Variants in BTD observed in about 807,000 individuals in gnomAD.
BTD encodes the protein biotinidase.
BTD carries 13 observed loss-of-function variants against 17.7 expected under a neutral mutation model. The observed-to-expected ratio is 0.74, with a 90% CI of 0.48 to 1.17. BTD has a LOEUF of 1.17. Ranked by LOEUF, BTD falls within the 50% of genes most tolerant of loss-of-function variation. The pLI, the probability that BTD is intolerant of heterozygous loss-of-function variation, is 0.00. For synonymous variants in BTD, 240 were observed against 245.2 expected (o/e 0.98, Z 0.20); for missense variants, 674 against 650.4 (o/e 1.04, Z -0.39).
intron 3 of BTD, among the ~76,000 whole-genome samples, chr3:15,661,882 C>T (rs773484504): frequency 3.3e-5 from 5 of 152,214 alleles, no homozygotes; most frequent in Non-Finnish European, 5.9e-5. Context: ...GTTGAAAATA[C>T]TGTCTTCACT....
At chr3:15,631,626 G>A (rs1398212598) in intron 1 of BTD, 7 of 752,238 alleles carry the variant, frequency 9.3e-6, no homozygotes, top group Admixed American at 5.0e-5. Context: ...GATCAGGACT[G>A]GTGTTGGGGG....
In BTD at chr3:15,665,043, TTTC is replaced by T. The variant is rs1216309295; in HGVS notation, c.399+22989_399+22991del. On this transcript the variant is annotated intron_variant, in intron 3 of 3. Coordinates refer to the BTD transcript ENST00000672141. ...AAATTAGTTTCAAATTAAGGAAATATTTCTTTTCTAATTAAGCTAGTAGACAGG... is the reference window on the plus strand; with the variant it reads ...AAATTAGTTTCAAATTAAGGAAATATTTTTCTAATTAAGCTAGTAGACAGG... 7.9e-5 allele frequency among the ~76,000 whole-genome samples: 12 copies of T among 152,328 alleles called. No homozygotes were observed. The South Asian group carries it at 8.3e-4, about 11-fold the overall frequency.
chr3:15,668,739 C>A (rs2066111143), intron 3 of BTD: 1 of 152,470 alleles, frequency 6.6e-6, no homozygotes, highest in South Asian at 2.1e-4. Flanking sequence ...TTCAAAAAAC[C>A]CACAAAATTA....
At chr3:15,643,997 T>A (rs1217842120) in intron 3 of BTD, among the ~76,000 whole-genome samples, 51 of 149,638 alleles carry the variant, frequency 3.4e-4, no homozygotes, top group African/African-American at 1.2e-3. Context: ...TTTATTTATT[T>A]ATTTATTTAT....
chr3:15,604,923 G>T (rs1376048498), intron 1 of BTD, among the ~76,000 whole-genome samples: 1 of 152,176 alleles, frequency 6.6e-6, no homozygotes, highest in Non-Finnish European at 1.5e-5. Context: ...TCTCTAGGAG[G>T]TTCCAAACTT....
At chr3:15,710,977 A>G (rs1323115389) in exon 4 of BTD, among the ~76,000 whole-genome samples, 1 of 152,220 alleles carries the variant, frequency 6.6e-6, no homozygotes, top group Admixed American at 6.5e-5. Context: ...TACAGAAGGC[A>G]GTATTTCCTT....
Position 15,609,197 on chromosome 3 carries a change from T to A in BTD, c.-17+7303T>A, listed in dbSNP as rs1237682451. On this transcript the variant is annotated intron_variant, in intron 1 of 3. Transcript: ENST00000643237. Reference sequence around the variant, plus strand: ...AAATACATTTAACATTTATGACATCTTTCAGACACATGAATAGGATCAGAG... The same window carrying A: ...AAATACATTTAACATTTATGACATCATTCAGACACATGAATAGGATCAGAG... Among the ~76,000 whole-genome samples the A allele has an allele frequency of 2.6e-5, 4 of 152,320 alleles. No individual in the cohort carries two copies. In the East Asian group the frequency reaches 7.7e-4, roughly 29 times the overall value.
At chr3:15,695,246 CT>C (rs1174320314) in intron 3 of BTD, 2 of 1,505,850 alleles carry the variant, frequency 1.3e-6, no homozygotes, top group Admixed American at 1.9e-5. Context: ...AAATATTTAG[CT>C]TGGGAAGTAT....
At chr3:15,606,042 C>CAAAAA (rs11369757) in intron 1 of BTD, among the ~76,000 whole-genome samples, 11 of 64,930 alleles carry the variant, frequency 1.7e-4, no homozygotes, top group African/African-American at 5.6e-4. Context: ...GACCCTGTCT[C>CAAAAA]AAAAAAAAAA....
At chr3:15,679,559 G>C (rs192618777) in intron 3 of BTD, 1 of 1,609,808 alleles carries the variant, frequency 6.2e-7, no homozygotes, top group East Asian at 2.2e-5. Flanking sequence ...CACATGTCTC[G>C]TGACCTAAAT....
intron 3 of BTD, 148 bp downstream of exon 3, chr3:15,642,205 CAT>C: frequency 6.6e-7 from 1 of 1,505,496 alleles, no homozygotes; most frequent in South Asian, 1.3e-5. Flanking sequence ...CCATGTGCCA[CAT>C]GTTCATTCCA....
At chr3:15,625,112 G>A (rs1299863125) in intron 1 of BTD, among the ~76,000 whole-genome samples, 1 of 152,146 alleles carries the variant, frequency 6.6e-6, no homozygotes, top group African/African-American at 2.4e-5. Context: ...AGTTGGACTC[G>A]ATGTACTAAG....
intron 3 of BTD, among the ~76,000 whole-genome samples, chr3:15,682,039 A>AT (rs1245627396): frequency 2.6e-5 from 4 of 152,244 alleles, no homozygotes; most frequent in African/African-American, 9.6e-5. Flanking sequence ...CTCCAGGTAT[A>AT]TGGGTTCTTA....
intron 4 of BTD, among the ~76,000 whole-genome samples, chr3:15,718,644 AGCCCAATCTC>A (rs2073353875): frequency 6.6e-6 from 1 of 151,858 alleles, no homozygotes; most frequent in Non-Finnish European, 1.5e-5. Flanking sequence ...TAAAACAGGA[AGCCCAATCTC>A]TACCTTTTAA....
chr3:15,604,105 G>A (rs959978263), intron 1 of BTD, among the ~76,000 whole-genome samples: 3 of 152,236 alleles, frequency 2.0e-5, no homozygotes, highest in African/African-American at 7.2e-5. Context: ...TGCCCCAGGA[G>A]GGACTCTGTA....
chr3:15,677,579 C>T, intron 3 of BTD: 2 of 1,569,570 alleles, frequency 1.3e-6, no homozygotes, highest in South Asian at 1.1e-5. Context: ...GGAAAAAGTG[C>T]ATCAATTCTT....
intron 3 of BTD, chr3:15,708,163 T>C (rs2071721315): frequency 2.2e-6 from 3 of 1,341,682 alleles, no homozygotes; most frequent in Non-Finnish European, 2.0e-6. Flanking sequence ...ACAAATACTT[T>C]ATTTACAGTG....
At chr3:15,663,361 A>G (rs1041295485) in intron 3 of BTD, among the ~76,000 whole-genome samples, 1 of 152,122 alleles carries the variant, frequency 6.6e-6, no homozygotes, top group African/African-American at 2.4e-5. Flanking sequence ...AAGTTAGGAT[A>G]TATTTTTTCT....
intron 1 of BTD, among the ~76,000 whole-genome samples, chr3:15,626,344 A>G (rs1416797958): frequency 6.6e-6 from 1 of 152,218 alleles, no homozygotes; most frequent in African/African-American, 2.4e-5. Context: ...AAGGAGCTAG[A>G]TGATCCTCTG....
Sources: gnomAD v4.1 joint callset for allele counts (sites outside exome capture counted in the v4.1 genomes callset) on GRCh38, gnomAD v4.1.1 for gene constraint, MANE v1.5 for transcripts, NCBI Gene and HGNC (gene_info 2026-07-23, HGNC 2026-07-21) for gene names.